FMNL2: variants seen among roughly 807,000 people sequenced by gnomAD.
FMNL2 encodes formin-like protein 2.
FMNL2 carries 51 observed loss-of-function variants against 130.2 expected under a neutral mutation model. That is an observed-to-expected ratio of 0.39 (90% confidence interval 0.31 to 0.49). The LOEUF (loss-of-function observed/expected upper bound fraction) is 0.49, where lower values mean the gene tolerates loss of function less well. Among genes scored for constraint, FMNL2 ranks in the 20% least tolerant of loss-of-function variants. FMNL2 has a pLI of 0.85. For missense variants in FMNL2, 977 were observed against 1,316.2 expected (o/e 0.74, Z 3.99); for synonymous variants, 465 against 467.1 (o/e 1.00, Z 0.06).
chr2:152,551,314 G>A (rs1344645451), intron 4 of FMNL2, among the ~76,000 whole-genome samples: 1 of 152,150 alleles, frequency 6.6e-6, no homozygotes, highest in African/African-American at 2.4e-5. Flanking sequence ...TGTTGTTGAG[G>A]ATACTATAGG....
At chr2:152,348,253 C>T (rs1362528601) in intron 1 of FMNL2, among the ~76,000 whole-genome samples, 1 of 152,160 alleles carries the variant, frequency 6.6e-6, no homozygotes, top group Admixed American at 6.5e-5. Flanking sequence ...TAGGGAGATG[C>T]TTTCATATGT....
intron 1 of FMNL2, among the ~76,000 whole-genome samples, chr2:152,386,162 AC>A (rs1365003691): frequency 4.6e-5 from 7 of 152,206 alleles, no homozygotes; most frequent in African/African-American, 1.4e-4. Context: ...CTCCTAGCAT[AC>A]CCTGCTGAGA....
intron 1 of FMNL2, among the ~76,000 whole-genome samples, chr2:152,484,024 T>C (rs1690678426): frequency 6.6e-6 from 1 of 152,152 alleles, no homozygotes; most frequent in African/African-American, 2.4e-5. Flanking sequence ...TGGGACCAGC[T>C]AATGGACCCT....
At position 152,344,684 on chromosome 2, in the gene FMNL2, C is replaced by T. The variant is rs188543807; in HGVS notation, c.117+8964C>T. On this transcript the variant is annotated intron_variant, in intron 1 of 25. Transcript: ENST00000288670. The stretch of plus-strand genomic sequence containing the variant: ...AAGTATACTTCTGGAGTAGAACAAT[C>T]AATAAATCAATTGCATTTTTGCTTA... Among the ~76,000 whole-genome samples the T allele has an allele frequency of 1.1e-4, 17 of 152,268 alleles. No individual in the cohort carries two copies. In the East Asian group the frequency reaches 3.1e-3, roughly 28 times the overall value.
chr2:152,347,189 G>A (rs1027971296), intron 1 of FMNL2, among the ~76,000 whole-genome samples: 1 of 152,138 alleles, frequency 6.6e-6, no homozygotes, highest in Non-Finnish European at 1.5e-5. Flanking sequence ...TTCAGGAGTG[G>A]TGAGACTTGG....
chr2:152,417,169 A>T (rs1016525806), intron 1 of FMNL2, among the ~76,000 whole-genome samples: 1 of 152,218 alleles, frequency 6.6e-6, no homozygotes, highest in African/African-American at 2.4e-5. Flanking sequence ...TAGACGTTCA[A>T]ATCTGACATG....
intron 1 of FMNL2, among the ~76,000 whole-genome samples, chr2:152,506,788 A>G (rs1692197074): frequency 6.6e-6 from 1 of 152,206 alleles, no homozygotes; most frequent in African/African-American, 2.4e-5. Context: ...ACAACTATTT[A>G]TGTTCTACTA....
intron 3 of FMNL2, among the ~76,000 whole-genome samples, chr2:152,546,656 G>C (rs1694656082): frequency 6.6e-6 from 1 of 152,116 alleles, no homozygotes; most frequent in Non-Finnish European, 1.5e-5. Flanking sequence ...AGCTTGGAAG[G>C]CTGAGTTATT....
chr2:152,483,448 A>G (rs1052938593), intron 1 of FMNL2, among the ~76,000 whole-genome samples: 5 of 152,196 alleles, frequency 3.3e-5, no homozygotes, highest in African/African-American at 1.2e-4. Flanking sequence ...GACCCAGTTC[A>G]GCTAACTACA....
intron 15 of FMNL2, among the ~76,000 whole-genome samples, chr2:152,620,217 C>G (rs1473207985): frequency 6.6e-6 from 1 of 151,924 alleles, no homozygotes; most frequent in Non-Finnish European, 1.5e-5. Context: ...TCTGAGCATT[C>G]GAGAACATCA....
intron 1 of FMNL2, among the ~76,000 whole-genome samples, chr2:152,428,733 G>A (rs1687319247): frequency 6.6e-6 from 1 of 152,144 alleles, no homozygotes; most frequent in Admixed American, 6.5e-5. Flanking sequence ...TTGACTAATT[G>A]TGTTCTATAA....
rs141034379 is a variant in FMNL2, at chr2:152,411,403, T to C, written c.117+75683T>C. ...AGGTGCTTGCTCAAGACAGGAAATA[T>C]ACCACTTCCCTTAGGAATCTGCCCA... On this transcript the variant is annotated intron_variant, in intron 1 of 25. Transcript: ENST00000288670. 3.3e-5 allele frequency among the ~76,000 whole-genome samples: 5 copies of C among 152,302 alleles called. No individual in the cohort carries two copies. The East Asian group carries it at 7.7e-4, about 24-fold the overall frequency.
At chr2:152,520,368 C>T (rs1048390224) in intron 1 of FMNL2, among the ~76,000 whole-genome samples, 3 of 151,816 alleles carry the variant, frequency 2.0e-5, no homozygotes, top group Admixed American at 6.6e-5. Flanking sequence ...CCGAGGCGGG[C>T]GGATCATCCA....
At chr2:152,429,158 C>A (rs1687349641) in intron 1 of FMNL2, among the ~76,000 whole-genome samples, 1 of 145,084 alleles carries the variant, frequency 6.9e-6, no homozygotes, top group Non-Finnish European at 1.5e-5. Flanking sequence ...GCACATCCTG[C>A]ACATGTACCC....
At chr2:152,637,239 C>T (rs957556094) in intron 22 of FMNL2, among the ~76,000 whole-genome samples, 12 of 152,272 alleles carry the variant, frequency 7.9e-5, no homozygotes, top group South Asian at 2.1e-4. Context: ...GGTTCTGCCA[C>T]GGCCTTTGGA....
intron 1 of FMNL2, among the ~76,000 whole-genome samples, chr2:152,491,148 C>T (rs1691165184): frequency 6.6e-6 from 1 of 152,104 alleles, no homozygotes. Context: ...CTCCCCACTC[C>T]CATTGTTATG....
At chr2:152,355,862 C>A (rs1288176165) in intron 1 of FMNL2, among the ~76,000 whole-genome samples, 1 of 152,142 alleles carries the variant, frequency 6.6e-6, no homozygotes, top group African/African-American at 2.4e-5. Flanking sequence ...ATAGTCCCAG[C>A]ATTACAGAAT....
At chr2:152,541,350 G>A (rs1694302643) in intron 2 of FMNL2, among the ~76,000 whole-genome samples, 1 of 152,002 alleles carries the variant, frequency 6.6e-6, no homozygotes, top group Non-Finnish European at 1.5e-5. Context: ...TAGAGATGGG[G>A]TTTCACCATG....
intron 1 of FMNL2, among the ~76,000 whole-genome samples, chr2:152,447,177 T>G (rs1257507095): frequency 6.6e-6 from 1 of 152,108 alleles, no homozygotes; most frequent in African/African-American, 2.4e-5. Context: ...AATAGCTCAC[T>G]GCAGCCTTGA....
Sources: allele counts gnomAD v4.1 joint callset (sites outside exome capture counted in the v4.1 genomes callset), GRCh38; gene constraint gnomAD v4.1.1; transcripts MANE v1.5; gene names NCBI Gene and HGNC (gene_info 2026-07-23, HGNC 2026-07-21).